Variants in DOCK3 observed in about 807,000 individuals in gnomAD.
DOCK3 encodes dedicator of cytokinesis 3, also known as dedicator of cytokinesis protein 3.
Under a neutral mutation model 265.6 loss-of-function variants are expected in DOCK3, and 60 were observed. That is an observed-to-expected ratio of 0.23 (90% CI 0.18 to 0.28). DOCK3 has a LOEUF of 0.28. Ranked by LOEUF, DOCK3 falls within the 10% of genes least tolerant of loss-of-function variation. DOCK3 has a pLI of 1.00. For missense variants in DOCK3, 1,981 were observed against 2,594.3 expected (o/e 0.76, Z 5.14); for synonymous variants, 881 against 938.0 (o/e 0.94, Z 1.11).
intron 14 of DOCK3, among the ~76,000 whole-genome samples, chr3:51,222,301 G>T (rs2090135913): frequency 6.6e-6 from 1 of 152,182 alleles, no homozygotes; most frequent in African/African-American, 2.4e-5. Context: ...GATCCCACTG[G>T]TAGGTTTTGT....
chr3:50,950,107 T>G (rs1290488419), intron 5 of DOCK3, among the ~76,000 whole-genome samples: 1 of 127,534 alleles, frequency 7.8e-6, no homozygotes, highest in Non-Finnish European at 1.6e-5. Context: ...TTCTATTTGG[T>G]TATTTTTCAA....
At chr3:51,380,935 A>G in intron 52 of DOCK3, 115 bp from the exon 53 acceptor site, 2 of 1,305,150 alleles carry the variant, frequency 1.5e-6, no homozygotes, top group South Asian at 1.4e-5. Flanking sequence ...AACAAGAAAC[A>G]TGCTGTTGAT....
At chr3:50,947,325 A>G (rs2108284719) in intron 5 of DOCK3, among the ~76,000 whole-genome samples, 1 of 152,256 alleles carries the variant, frequency 6.6e-6, no homozygotes, top group South Asian at 2.1e-4. Flanking sequence ...CATGGTAACT[A>G]CAGAAGAGAT....
intron 3 of DOCK3, among the ~76,000 whole-genome samples, chr3:50,872,556 G>A (rs1410937743): frequency 3.9e-5 from 6 of 152,202 alleles, no homozygotes; most frequent in African/African-American, 1.4e-4. Context: ...ATATATGTCT[G>A]TTCAAGGCCC....
intron 3 of DOCK3, among the ~76,000 whole-genome samples, chr3:50,863,000 A>G (rs1479069287): frequency 6.6e-6 from 1 of 152,192 alleles, no homozygotes; most frequent in Admixed American, 6.5e-5. Flanking sequence ...CCCATTCTCC[A>G]CAGCCATTTC....
At chr3:51,102,718 A>G (rs1576083738) in intron 9 of DOCK3, among the ~76,000 whole-genome samples, 1 of 152,254 alleles carries the variant, frequency 6.6e-6, no homozygotes, top group African/African-American at 2.4e-5. Context: ...CAGGAGTCCA[A>G]TAATTATGAC....
intron 27 of DOCK3, among the ~76,000 whole-genome samples, chr3:51,301,685 A>G (rs1397270739): frequency 6.6e-6 from 1 of 151,964 alleles, no homozygotes; most frequent in Non-Finnish European, 1.5e-5. Context: ...TACTTTCATT[A>G]TTTACCCAGG....
Position 51,356,419 on chromosome 3 carries a change from G to C in DOCK3, c.4429G>C (p.Glu1477Gln). The C allele has an allele frequency of 6.2e-7, 1 of 1,613,158 alleles. No homozygotes were observed. Among genetic ancestry groups the C allele is most frequent in the Non-Finnish European group, 8.5e-7 (1 of 1,179,784 alleles). ...KENEFKSLWI[E>Q]RTTLTLTHSL... ...TCCCTCCCTACAGAGCCTGTGGATT[G>C]AACGTACCACACTGACCCTGACCCA... The change falls in exon 43 of 53, where the codon GAA becomes CAA. Residue 1477 changes from glutamate (E) to glutamine (Q), a missense_variant. Glu to Gln is a conservative substitution (Grantham distance 29). Around this residue, in one of 4 missense-constraint regions of DOCK3, gnomAD observed 1,357 missense variants for 1,866.8 expected, o/e 0.73. Transcript: ENST00000266037.
chr3:51,240,768 T>C (rs2108512821), intron 21 of DOCK3, among the ~76,000 whole-genome samples: 1 of 152,346 alleles, frequency 6.6e-6, no homozygotes, highest in East Asian at 1.9e-4. Context: ...TTTTTCTGTT[T>C]TCCATTTGCT....
chr3:50,946,552 G>A (rs780012362), intron 5 of DOCK3, among the ~76,000 whole-genome samples: 22 of 152,110 alleles, frequency 1.4e-4, no homozygotes, highest in Admixed American at 7.2e-4. Context: ...CTTCTTCCTT[G>A]TTAAAAGATC....
At chr3:50,899,684 T>C (rs1006012966) in intron 4 of DOCK3, among the ~76,000 whole-genome samples, 29 of 152,210 alleles carry the variant, frequency 1.9e-4, no homozygotes, top group African/African-American at 6.8e-4. Context: ...GGTGACAAAA[T>C]CTCTCAGTAG....
intron 5 of DOCK3, among the ~76,000 whole-genome samples, chr3:50,965,711 T>C (rs2077007349): frequency 6.6e-6 from 1 of 152,174 alleles, no homozygotes; most frequent in Non-Finnish European, 1.5e-5. Flanking sequence ...GAATTTTACA[T>C]GTTTATGGAC....
At chr3:50,955,195 C>T (rs1332408942) in intron 5 of DOCK3, among the ~76,000 whole-genome samples, 1 of 152,090 alleles carries the variant, frequency 6.6e-6, no homozygotes, top group African/African-American at 2.4e-5. Context: ...CAGATGCTGG[C>T]AAGGTTGTGG....
intron 4 of DOCK3, among the ~76,000 whole-genome samples, chr3:50,902,433 G>A (rs1379604676): frequency 6.6e-6 from 1 of 152,178 alleles, no homozygotes; most frequent in African/African-American, 2.4e-5. Flanking sequence ...TTATTAAATA[G>A]GGAATCCTTT....
intron 5 of DOCK3, among the ~76,000 whole-genome samples, chr3:50,993,040 G>A (rs1223289480): frequency 1.3e-5 from 2 of 152,152 alleles, no homozygotes; most frequent in Admixed American, 1.3e-4. Context: ...ACCCTTTAGG[G>A]ACATCCCTCT....
At chr3:50,732,387 A>G (rs1214824589) in intron 1 of DOCK3, among the ~76,000 whole-genome samples, 1 of 151,996 alleles carries the variant, frequency 6.6e-6, no homozygotes, top group Non-Finnish European at 1.5e-5. Context: ...AAACCTGCAC[A>G]TCCTGCACAT....
intron 5 of DOCK3, among the ~76,000 whole-genome samples, chr3:50,984,278 A>G (rs1292432145): frequency 6.6e-6 from 1 of 152,204 alleles, no homozygotes; most frequent in Non-Finnish European, 1.5e-5. Flanking sequence ...TGTAACAGTA[A>G]CATTTGAGTT....
intron 4 of DOCK3, among the ~76,000 whole-genome samples, chr3:50,914,328 C>T (rs1439541083): frequency 6.6e-6 from 1 of 151,814 alleles, no homozygotes; most frequent in Admixed American, 6.6e-5. Flanking sequence ...TTTATATTGG[C>T]ATTGATTTCT....
intron 5 of DOCK3, among the ~76,000 whole-genome samples, chr3:51,027,619 TTTG>T (rs1489958012): frequency 6.6e-6 from 1 of 152,174 alleles, no homozygotes; most frequent in Non-Finnish European, 1.5e-5. Flanking sequence ...ATCTGGGTGC[TTTG>T]TTGTTGGGTG....
Sources: gnomAD v4.1 joint callset for allele counts (sites outside exome capture counted in the v4.1 genomes callset) on GRCh38, gnomAD v4.1.1 for gene constraint, gnomAD v4.1.1 regional missense constraint, MANE v1.5 for transcripts, NCBI Gene and HGNC (gene_info 2026-07-23, HGNC 2026-07-21) for gene names.